Variants in TRIM49C observed in about 807,000 individuals in gnomAD.
TRIM49C encodes the protein tripartite motif-containing protein 49C.
In TRIM49C, 6 loss-of-function variants were observed where a neutral mutation model predicts 21.4. That is an observed-to-expected ratio of 0.28 (90% confidence interval 0.15 to 0.55). TRIM49C has a LOEUF of 0.55. Among genes scored for constraint, TRIM49C ranks in the 20% least tolerant of loss-of-function variants. The pLI, the probability that TRIM49C is intolerant of heterozygous loss-of-function variation, is 0.94. For missense variants in TRIM49C, 161 were observed against 442.4 expected (o/e 0.36, Z 5.71); for synonymous variants, 57 against 148.1 (o/e 0.38, Z 4.47).
At chr11:90,066,718 T>C in the TRIM49C span, among the ~76,000 whole-genome samples, 329 of 127,158 alleles carry the variant, frequency 2.6e-3, 21 homozygotes, top group African/African-American at 8.9e-3. Flanking sequence ...CAATGTTATG[T>C]ATTCATATTT....
chr11:90,067,163 TA>T, the TRIM49C span, among the ~76,000 whole-genome samples: 1 of 139,406 alleles, frequency 7.2e-6, no homozygotes, highest in Non-Finnish European at 1.6e-5. Context: ...AATATATAGC[TA>T]TTACTTTCAA....
chr11:90,033,520 C>A lies in TRIM49C; in HGVS notation c.-5+938C>A, dbSNP rs577881784. Among the ~76,000 whole-genome samples the A allele has an allele frequency of 5.3e-4, 69 of 130,868 alleles. 7 individuals are homozygous for A. The highest frequency in any genetic ancestry group is 1.9e-3 in the African/African-American group (68 of 36,710). The allele number at this position is 130,868 out of a possible 152,430, so 85.9% of individuals were successfully genotyped here. On this transcript the variant is annotated intron_variant, in intron 2 of 7. Transcript: ENST00000448984. ...GTTATCATTGTGTTACAGTTGCCTA[C>A]AGTATGCAGTACAGAACATACTGTA...
chr11:90,039,019 A>C (rs1230786243), intron 6 of TRIM49C, among the ~76,000 whole-genome samples: 5 of 137,198 alleles, frequency 3.6e-5, no homozygotes, highest in Non-Finnish European at 7.9e-5. Context: ...TCCCGGGTTC[A>C]CACCATTCCC....
chr11:90,039,250 A>C (rs181295801), intron 6 of TRIM49C, among the ~76,000 whole-genome samples: 6,575 of 127,458 alleles, frequency 0.052, 976 homozygotes, highest in Non-Finnish European at 0.066. Flanking sequence ...GAAAGCCTGC[A>C]CAGGAGAAAG....
downstream of TRIM49C, among the ~76,000 whole-genome samples, chr11:90,046,596 G>A (rs1457284304): frequency 3.3e-4 from 40 of 121,016 alleles, no homozygotes; most frequent in African/African-American, 1.1e-3. Flanking sequence ...TTGTATTTCT[G>A]TGGGATCGGT....
chr11:90,057,990 G>A, the TRIM49C span: 7 of 1,517,176 alleles, frequency 4.6e-6, no homozygotes, highest in Non-Finnish European at 5.3e-6. Flanking sequence ...CACTCCCTGG[G>A]GATCCGTGGG....
At chr11:90,062,935 G>C in the TRIM49C span, 1 of 1,427,136 alleles carries the variant, frequency 7.0e-7, no homozygotes, top group Admixed American at 2.3e-5. Context: ...GGTCTATGAA[G>C]TAGTTCACGC....
the TRIM49C span, among the ~76,000 whole-genome samples, chr11:90,054,522 T>C: frequency 1.3e-3 from 176 of 133,378 alleles, 11 homozygotes; most frequent in African/African-American, 2.9e-3. Flanking sequence ...TTTGCCTCCT[T>C]GGTTCAAGTG....
chr11:90,048,309 T>A, the TRIM49C span, among the ~76,000 whole-genome samples: 1 of 118,946 alleles, frequency 8.4e-6, no homozygotes, highest in South Asian at 3.2e-4. Context: ...AATTTGAATG[T>A]TGGCCTGCCT....
chr11:90,063,037 C>G, the TRIM49C span: 1 of 1,412,614 alleles, frequency 7.1e-7, no homozygotes, highest in Non-Finnish European at 9.3e-7. Flanking sequence ...GAATTTCTTT[C>G]TCTTATTTTT....
chr11:90,071,237 A>G, the TRIM49C span: 4 of 484,112 alleles, frequency 8.3e-6, no homozygotes, highest in Non-Finnish European at 1.6e-5. Context: ...GTTGTTTCCA[A>G]CAAAGGGAAA....
the TRIM49C span, chr11:90,051,828 C>T: frequency 5.5e-6 from 2 of 361,476 alleles, 1 homozygote; most frequent in African/African-American, 4.6e-5. Flanking sequence ...GTCAAGCACC[C>T]GCGGACTCTC....
At chr11:90,047,080 G>C in the TRIM49C span, among the ~76,000 whole-genome samples, 5 of 122,404 alleles carry the variant, frequency 4.1e-5, 2 homozygotes, top group African/African-American at 1.7e-4. Context: ...GAGCGGTTTT[G>C]AGTGAGTTTC....
At chr11:90,058,038 A>T in the TRIM49C span, 2 of 1,422,830 alleles carry the variant, frequency 1.4e-6, no homozygotes, top group Non-Finnish European at 1.9e-6. Context: ...CACATATCTC[A>T]CATCCTCAGA....
the TRIM49C span, among the ~76,000 whole-genome samples, chr11:90,054,382 C>T: frequency 7.4e-6 from 1 of 135,342 alleles, no homozygotes; most frequent in African/African-American, 2.6e-5. Context: ...TGGTGTTATA[C>T]TCCTTTTTCG....
chr11:90,066,234 G>C, the TRIM49C span, among the ~76,000 whole-genome samples: 1 of 135,022 alleles, frequency 7.4e-6, no homozygotes, highest in Non-Finnish European at 1.6e-5. Flanking sequence ...TGCTTAAGCT[G>C]GTCTCGAACT....
At chr11:90,055,493 G>T in the TRIM49C span, among the ~76,000 whole-genome samples, 5 of 150,806 alleles carry the variant, frequency 3.3e-5, no homozygotes, top group South Asian at 4.3e-4. Flanking sequence ...CAAATCTCTT[G>T]GGTTATTTTC....
chr11:90,040,881 T>C (rs1416767331), intron 7 of TRIM49C, among the ~76,000 whole-genome samples, 170 bp from the exon 8 acceptor site: 1 of 149,550 alleles, frequency 6.7e-6, no homozygotes, highest in African/African-American at 2.5e-5. Flanking sequence ...TGGTTAGGGT[T>C]TTGTTTGTCT....
At chr11:90,055,788 T>A in the TRIM49C span, among the ~76,000 whole-genome samples, 48 of 146,656 alleles carry the variant, frequency 3.3e-4, 1 homozygote, top group African/African-American at 1.2e-3. Flanking sequence ...GTTGAAGATG[T>A]CAGTTTTCTT....
Sources: allele counts gnomAD v4.1 joint callset (sites outside exome capture counted in the v4.1 genomes callset), GRCh38; gene constraint gnomAD v4.1.1; transcripts MANE v1.5; gene names NCBI Gene and HGNC (gene_info 2026-07-23, HGNC 2026-07-21).